The following NAV1 variants were observed in gnomAD, a reference collection of about 807,000 sequenced individuals.
NAV1 encodes neuron navigator 1.
In NAV1, 18 loss-of-function variants were observed where a neutral mutation model predicts 175.2. The ratio of observed to expected loss-of-function variants is 0.10; its 90% CI spans 0.07 to 0.15. The LOEUF is 0.15. NAV1 is among the 10% of genes least tolerant of loss of function. The pLI, the probability that NAV1 is intolerant of heterozygous loss-of-function variation, is 1.00. For missense variants in NAV1, 1,731 were observed against 2,436.6 expected (o/e 0.71, Z 6.10); for synonymous variants, 897 against 978.7 (o/e 0.92, Z 1.56).
At position 201,539,667 on chromosome 1, in the gene NAV1, A is replaced by G. The variant is rs1344512926; in HGVS notation, c.-144+325A>G. ...TCAGTTTCCTTGTTGTGAAATACCC[A>G]CAATTTAAAGTGCGTTGAGATCTTA... On this transcript the variant is annotated intron_variant, in intron 1 of 33. Transcript: ENST00000685211. The surrounding 1 kb of genome is among the most constrained non-coding windows in gnomAD (Gnocchi z 5.6). Among the ~76,000 whole-genome samples the G allele has an allele frequency of 1.3e-5, 2 of 152,090 alleles. No individual in the cohort carries two copies. Among genetic ancestry groups the G allele is most frequent in the Admixed American group, 6.5e-5 (1 of 15,278 alleles).
chr1:201,818,198 C>T (rs1408125643), intron 29 of NAV1, among the ~76,000 whole-genome samples: 1 of 152,072 alleles, frequency 6.6e-6, no homozygotes, highest in African/African-American at 2.4e-5. Context: ...CACTGCACTC[C>T]AGCCCAGGTG....
At chr1:201,647,097 C>T (rs932595194), upstream of NAV1, among the ~76,000 whole-genome samples, 4 of 152,166 alleles carry the variant, frequency 2.6e-5, no homozygotes, top group Admixed American at 2.6e-4. Flanking sequence ...CCTGGGCCTA[C>T]CCCTCCTGGA....
chr1:201,598,727 T>C (rs540034323), intron 2 of NAV1, among the ~76,000 whole-genome samples: 4 of 152,310 alleles, frequency 2.6e-5, no homozygotes, highest in African/African-American at 7.2e-5. Flanking sequence ...AGCTAATGGA[T>C]GCAGTAAAAG....
At chr1:201,619,426 T>C (rs1668094869), upstream of NAV1, among the ~76,000 whole-genome samples, 1 of 152,240 alleles carries the variant, frequency 6.6e-6, no homozygotes, top group African/African-American at 2.4e-5. Context: ...GAGATGAAGG[T>C]AGAGTCAAGA....
At chr1:201,768,056 G>A (rs1247263850) in intron 3 of NAV1, among the ~76,000 whole-genome samples, 1 of 152,206 alleles carries the variant, frequency 6.6e-6, no homozygotes, top group Non-Finnish European at 1.5e-5. Context: ...TGGGCATGGT[G>A]GCTTATGCCT....
At chr1:201,823,642 T>C (rs146429276) in exon 30 of NAV1, 3 of 152,346 alleles carry the variant, frequency 2.0e-5, no homozygotes, top group African/African-American at 7.2e-5. Flanking sequence ...GTTGGTATAC[T>C]GTTTTAGTCT....
intron 3 of NAV1, chr1:201,733,476 A>G (rs1672956986): frequency 6.6e-6 from 1 of 152,216 alleles, no homozygotes; most frequent in South Asian, 2.1e-4. Flanking sequence ...CAAGGATGAC[A>G]CCCAAATCTG....
chr1:201,669,073 C>A (rs1669940995), intron 1 of NAV1, among the ~76,000 whole-genome samples: 1 of 152,194 alleles, frequency 6.6e-6, no homozygotes, highest in Non-Finnish European at 1.5e-5. Context: ...GTTAAGATCT[C>A]AGGCATGGTT....
intron 3 of NAV1, among the ~76,000 whole-genome samples, chr1:201,758,409 A>C (rs1674642535): frequency 6.6e-6 from 1 of 152,202 alleles, no homozygotes; most frequent in African/African-American, 2.4e-5. Flanking sequence ...GCTTTCTGTC[A>C]AGCTACATAG....
chr1:201,588,850 T>G (rs1667110435), intron 2 of NAV1, among the ~76,000 whole-genome samples: 1 of 150,830 alleles, frequency 6.6e-6, no homozygotes, highest in Admixed American at 6.6e-5. Context: ...AAGATTGGAT[T>G]TTTTTTTTCT....
At chr1:201,652,414 A>G (rs750446973) in intron 1 of NAV1, among the ~76,000 whole-genome samples, 12 of 152,172 alleles carry the variant, frequency 7.9e-5, no homozygotes, top group Non-Finnish European at 1.6e-4. Context: ...CCAAATAACT[A>G]GGGCCCCACT....
chr1:201,668,612 G>A (rs1194586163), intron 1 of NAV1, among the ~76,000 whole-genome samples: 1 of 152,192 alleles, frequency 6.6e-6, no homozygotes, highest in Non-Finnish European at 1.5e-5. Flanking sequence ...GAGAGGTGGT[G>A]CTGGGCGTGG....
intron 1 of NAV1, among the ~76,000 whole-genome samples, chr1:201,696,303 A>G (rs557356201): frequency 2.4e-4 from 37 of 152,274 alleles, no homozygotes; most frequent in African/African-American, 8.2e-4. Context: ...GCGGAAGAGG[A>G]GGATTCTGAA....
At chr1:201,799,592 G>A (rs188561502) in intron 15 of NAV1, among the ~76,000 whole-genome samples, 290 of 148,390 alleles carry the variant, frequency 2.0e-3, no homozygotes, top group African/African-American at 7.1e-3. Context: ...AGGTGCGGTG[G>A]CTCACGCCTA....
At position 201,789,318 on chromosome 1, in the gene NAV1, C is replaced by T. The variant is rs533713081; in HGVS notation, c.3167-422C>T. On this transcript the variant is annotated intron_variant, in intron 10 of 29. Coordinates refer to ENST00000367296, the Ensembl canonical transcript of NAV1. The stretch of plus-strand genomic sequence containing the variant: ...TCTGAATGATCCCCAAGATCCTAAG[C>T]ACATCCCCCAGTGCTGAGAGGAGGA... Among the ~76,000 whole-genome samples the T allele has an allele frequency of 7.2e-5, 11 of 152,318 alleles. No individual in the cohort carries two copies. The South Asian group carries it at 2.3e-3, about 32-fold the overall frequency.
At chr1:201,819,969 C>T (rs373612612) in exon 30 of NAV1, 32 of 1,587,304 alleles carry the variant, frequency 2.0e-5, no homozygotes, top group African/African-American at 4.0e-5. Context: ...GACAGCAGAA[C>T]GCTGGCATCA....
intron 1 of NAV1, among the ~76,000 whole-genome samples, chr1:201,692,276 C>G (rs1480184324): frequency 1.3e-5 from 2 of 152,156 alleles, no homozygotes; most frequent in African/African-American, 4.8e-5. Flanking sequence ...TAGGGCAGAG[C>G]AGTGTCACCT....
chr1:201,766,507 A>G (rs1044000268), intron 3 of NAV1, among the ~76,000 whole-genome samples: 26 of 150,966 alleles, frequency 1.7e-4, no homozygotes, highest in African/African-American at 6.1e-4. Context: ...AAACTGCCCA[A>G]TTTCACTCTG....
chr1:201,557,707 G>C (rs575644426), intron 1 of NAV1, among the ~76,000 whole-genome samples: 9 of 152,330 alleles, frequency 5.9e-5, no homozygotes, highest in Non-Finnish European at 8.8e-5. Context: ...TTAAAGCCCA[G>C]AAATAGCTGG....
Sources: gnomAD v4.1 joint callset for allele counts (sites outside exome capture counted in the v4.1 genomes callset) on GRCh38, gnomAD v4.1.1 for gene constraint, Gnocchi (gnomAD v3.1) non-coding constraint, MANE v1.5 for transcripts, NCBI Gene and HGNC (gene_info 2026-07-23, HGNC 2026-07-21) for gene names.